ARMC9: variants seen among roughly 807,000 people sequenced by gnomAD.
ARMC9 encodes armadillo repeat containing 9, also known as lisH domain-containing protein ARMC9.
ARMC9 carries 94 observed loss-of-function variants against 107.0 expected under a neutral mutation model. The ratio of observed to expected loss-of-function variants is 0.88; its 90% confidence interval spans 0.74 to 1.04. The LOEUF (loss-of-function observed/expected upper bound fraction) is 1.04, where lower values mean the gene tolerates loss of function less well. Ranked by LOEUF, ARMC9 falls within the 50% of genes least tolerant of loss-of-function variation. The pLI is 0.00. For synonymous variants in ARMC9, 380 were observed against 396.9 expected, an observed-to-expected ratio of 0.96 and a Z score of 0.51; for missense variants, 942 against 1,030.1, an observed-to-expected ratio of 0.91 and a Z score of 1.17.
In ARMC9 at chr2:231,376,429, C is replaced by CG. The variant is rs1575218126; in HGVS notation, c.*4899dup. Among the ~76,000 whole-genome samples, 1 of 152,052 alleles carries CG rather than the reference C, an allele frequency of 6.6e-6. No homozygotes were observed. The highest frequency in any genetic ancestry group is 2.1e-4 in the South Asian group (1 of 4,810). ...GGTCTCTGAACTGGCCCCCCTCCCC[C>CG]GGGGGCGTGGTCGTCTCTTATGGTC... On this transcript the variant is annotated 3_prime_UTR_variant, in exon 25 of 25. Transcript: ENST00000611582.
intron 19 of ARMC9, among the ~76,000 whole-genome samples, chr2:231,306,467 T>G (rs2042039721): frequency 6.6e-6 from 1 of 152,120 alleles, no homozygotes; most frequent in Non-Finnish European, 1.5e-5. Flanking sequence ...GTTAGAACAG[T>G]ATAATGGCCA....
rs569636882 is a variant in ARMC9, at chr2:231,219,955, C to T, written c.505-2773C>T. On this transcript the variant is annotated intron_variant, in intron 5 of 24. Transcript: ENST00000611582. Reference sequence around the variant, plus strand: ...AAGTGATCTTCCCACTTCAGCCTCCCGAGTAGCTAGACTATAGGCGTGCGC... The same window carrying T: ...AAGTGATCTTCCCACTTCAGCCTCCTGAGTAGCTAGACTATAGGCGTGCGC... 2.0e-3 allele frequency among the ~76,000 whole-genome samples: 312 copies of T among 152,252 alleles called. 1 individual carries two copies. The highest frequency in any genetic ancestry group is 6.8e-3 in the African/African-American group (284 of 41,530).
intron 14 of ARMC9, among the ~76,000 whole-genome samples, chr2:231,274,446 T>C (rs1476357361): frequency 2.0e-5 from 3 of 152,214 alleles, no homozygotes; most frequent in Non-Finnish European, 4.4e-5. Context: ...CTTCAGTTGA[T>C]TGGCATTTGA....
rs947823881 is a variant in ARMC9, at chr2:231,255,180, A to C, written c.880-1406A>C. On this transcript the variant is annotated intron_variant, in intron 9 of 24. Coordinates refer to ENST00000611582, the MANE Select transcript of ARMC9 (RefSeq NM_001352754.2). This position sits in a 1 kb window ranked among gnomAD's most constrained non-coding sequence, Gnocchi z 4.7. Reference sequence around the variant, plus strand: ...AGCACTACCTGTAGTGGCAAAAAGAAACACACACACACACACACACACACA... The same window carrying C: ...AGCACTACCTGTAGTGGCAAAAAGACACACACACACACACACACACACACA... 6.8e-6 allele frequency among the ~76,000 whole-genome samples: 1 copy of C among 146,760 alleles called. No individual in the cohort carries two copies. The highest frequency in any genetic ancestry group is 6.9e-5 in the Admixed American group (1 of 14,556).
intron 19 of ARMC9, among the ~76,000 whole-genome samples, chr2:231,313,922 ATTTTTTTT>A (rs554156249): frequency 7.7e-6 from 1 of 130,294 alleles, no homozygotes; most frequent in Non-Finnish European, 1.7e-5. Flanking sequence ...CTTCTGCCTA[ATTTTTTTT>A]TTTTTTTTTT....
At position 231,273,084 on chromosome 2, in the gene ARMC9, G is replaced by A. The variant is rs755514906; in HGVS notation, c.1334+6G>A. 3.7e-6 allele frequency: 6 copies of A among 1,612,118 alleles called. No homozygotes were observed. Among genetic ancestry groups the A allele is most frequent in the South Asian group, 2.2e-5 (2 of 90,880 alleles). Reference sequence around the variant, plus strand: ...CTGCAGAAGTTCAGTCTCAGGTAACGACTGTGCAATAGGTCACGGTGTCTC... The same window carrying A: ...CTGCAGAAGTTCAGTCTCAGGTAACAACTGTGCAATAGGTCACGGTGTCTC... On this transcript the variant is annotated splice_donor_region_variant and intron_variant, in intron 14 of 24. Coordinates refer to ENST00000611582, the MANE Select transcript of ARMC9 (RefSeq NM_001352754.2).
chr2:231,302,544 G>A (rs1343574789), intron 19 of ARMC9, among the ~76,000 whole-genome samples: 1 of 147,434 alleles, frequency 6.8e-6, no homozygotes, highest in Non-Finnish European at 1.5e-5. Flanking sequence ...TTGATTGAAG[G>A]ACATAAAGAA....
intron 11 of ARMC9, among the ~76,000 whole-genome samples, chr2:231,261,868 G>A (rs535117565): frequency 6.6e-6 from 1 of 152,028 alleles, no homozygotes; most frequent in South Asian, 2.1e-4. Flanking sequence ...TGTCGCCCAG[G>A]CTGGAGTGCA....
At chr2:231,340,551 A>G (rs1005373375) in intron 20 of ARMC9, among the ~76,000 whole-genome samples, 2 of 152,206 alleles carry the variant, frequency 1.3e-5, no homozygotes, top group Non-Finnish European at 2.9e-5. Context: ...TCATTTGACT[A>G]TGCATGGAAG....
At chr2:231,232,914 G>A (rs533244991) in intron 7 of ARMC9, among the ~76,000 whole-genome samples, 181 of 152,250 alleles carry the variant, frequency 1.2e-3, no homozygotes, top group Non-Finnish European at 2.2e-3. Context: ...GCAGTGGCGT[G>A]ATCTCAGCTC....
chr2:231,370,233 C>T (rs1205239378), intron 24 of ARMC9, 108 bp downstream of exon 24: 2 of 1,279,612 alleles, frequency 1.6e-6, no homozygotes, highest in African/African-American at 1.5e-5. Context: ...TGTACCAGGC[C>T]AGGCCAGAAG....
chr2:231,233,396 A>G (rs1175377462), intron 7 of ARMC9, among the ~76,000 whole-genome samples: 1 of 152,140 alleles, frequency 6.6e-6, no homozygotes, highest in Non-Finnish European at 1.5e-5. Context: ...GTGAGGCCTG[A>G]TCATCTTTAT....
chr2:231,328,844 T>C (rs1402615699), intron 19 of ARMC9, among the ~76,000 whole-genome samples: 1 of 147,414 alleles, frequency 6.8e-6, no homozygotes, highest in African/African-American at 2.5e-5. Context: ...AGTCGGAGTC[T>C]TGCTCTGTCG....
intron 5 of ARMC9, among the ~76,000 whole-genome samples, chr2:231,220,907 CTG>C (rs2034058604): frequency 6.6e-6 from 1 of 152,218 alleles, no homozygotes; most frequent in Non-Finnish European, 1.5e-5. Context: ...AACTGGAAGT[CTG>C]TATGTCCCAA....
At chr2:231,337,718 C>CCGGCCT (rs2044229684) in intron 20 of ARMC9, among the ~76,000 whole-genome samples, 1 of 151,998 alleles carries the variant, frequency 6.6e-6, no homozygotes, top group South Asian at 2.1e-4. Flanking sequence ...GCCACCTCAC[C>CCGGCCT]CGGCCTCAAT....
intron 22 of ARMC9, among the ~76,000 whole-genome samples, chr2:231,357,066 G>A (rs986486223): frequency 4.6e-5 from 7 of 152,100 alleles, no homozygotes; most frequent in Admixed American, 3.9e-4. Context: ...CCTGCAGGGC[G>A]GAGGCACTTG....
intron 16 of ARMC9, 58 bp from the exon 17 acceptor site, chr2:231,282,001 T>C (rs966720792): frequency 4.2e-5 from 64 of 1,516,152 alleles, no homozygotes; most frequent in Non-Finnish European, 5.6e-5. Context: ...GTGTTTGATA[T>C]AGAGTTGTGC....
chr2:231,366,425 C>T (rs1165406654), intron 23 of ARMC9, among the ~76,000 whole-genome samples: 2 of 152,240 alleles, frequency 1.3e-5, no homozygotes, highest in Admixed American at 6.5e-5. Context: ...GGGCCAGGCA[C>T]GGTGGCTTAT....
intron 7 of ARMC9, among the ~76,000 whole-genome samples, chr2:231,229,653 T>C (rs756680150): frequency 2.0e-5 from 3 of 152,214 alleles, no homozygotes; most frequent in Non-Finnish European, 4.4e-5. Context: ...TAAAAAGTAA[T>C]GACTCATATT....
Sources: gnomAD v4.1 joint callset for allele counts (sites outside exome capture counted in the v4.1 genomes callset) on GRCh38, gnomAD v4.1.1 for gene constraint, Gnocchi (gnomAD v3.1) non-coding constraint, MANE v1.5 for transcripts, NCBI Gene and HGNC (gene_info 2026-07-23, HGNC 2026-07-21) for gene names.